Variants in LAMC1 observed in about 807,000 individuals in gnomAD.
LAMC1 encodes laminin subunit gamma-1.
In LAMC1, 38 loss-of-function variants were observed where a neutral mutation model predicts 173.6. That is an observed-to-expected ratio of 0.22 (90% confidence interval 0.17 to 0.29). The LOEUF is 0.29. Ranked by LOEUF, LAMC1 falls within the 10% of genes least tolerant of loss-of-function variation. The pLI, the probability that LAMC1 is intolerant of heterozygous loss-of-function variation, is 1.00. For missense variants in LAMC1, 1,824 were observed against 2,051.8 expected, an observed-to-expected ratio of 0.89 and a Z score of 2.14; for synonymous variants, 746 against 749.1, an observed-to-expected ratio of 1.00 and a Z score of 0.07.
intron 1 of LAMC1, among the ~76,000 whole-genome samples, chr1:183,058,957 A>G (rs777847373): frequency 1.7e-4 from 26 of 152,252 alleles, no homozygotes; most frequent in Non-Finnish European, 3.1e-4. Context: ...TCTGTTTTAT[A>G]ACATGTAAAA....
chr1:183,136,459 G>C lies in LAMC1; in HGVS notation c.4188G>C (p.Gln1396His), dbSNP rs772747092. 4.3e-6 allele frequency: 7 copies of C among 1,614,080 alleles called. No homozygotes were observed. Among genetic ancestry groups the C allele is most frequent in the Non-Finnish European group, 5.1e-6 (6 of 1,180,040 alleles). ...EALRKIPAIN[Q>H]TITEANEKTR... is the part of the protein sequence containing the mutation. Reference sequence around the variant, plus strand: ...TAAGGAAGATTCCTGCCATCAACCAGACCATCACTGAAGCCAATGAAAAGA... The same window carrying C: ...TAAGGAAGATTCCTGCCATCAACCACACCATCACTGAAGCCAATGAAAAGA... The change falls in exon 25 of 28, where the codon CAG (glutamine) becomes CAC (histidine). Residue 1396 changes from glutamine (Q) to histidine (H), a missense_variant. Coordinates refer to ENST00000258341, the MANE Select transcript of LAMC1 (RefSeq NM_002293.4).
At chr1:183,034,935 T>C (rs1322197382) in intron 1 of LAMC1, among the ~76,000 whole-genome samples, 2 of 152,178 alleles carry the variant, frequency 1.3e-5, no homozygotes, top group Non-Finnish European at 2.9e-5. Context: ...CTAGTGACTT[T>C]TCTGAGGTTG....
chr1:183,066,426 A>G (rs974293539), intron 1 of LAMC1, among the ~76,000 whole-genome samples: 1 of 152,198 alleles, frequency 6.6e-6, no homozygotes, highest in African/African-American at 2.4e-5. Flanking sequence ...AACCAGAAAT[A>G]CCATTTGACT....
rs184945241 is a variant in LAMC1 at position 183,034,221 on chromosome 1, G to A, written c.418+10087G>A. 1.5e-4 allele frequency among the ~76,000 whole-genome samples: 23 copies of A among 152,106 alleles called. 1 individual carries two copies. Among genetic ancestry groups the A allele is most frequent in the South Asian group, 1.0e-3 (5 of 4,830 alleles). On this transcript the variant is annotated intron_variant, in intron 1 of 27. Transcript: ENST00000258341. The stretch of plus-strand genomic sequence containing the variant: ...TTATATCCTAAAGATAGATTTATTC[G>A]TAATGTATTTGAGATCAGACAAAAA...
chr1:183,036,707 C>G (rs1377157638), intron 1 of LAMC1, among the ~76,000 whole-genome samples: 2 of 151,906 alleles, frequency 1.3e-5, no homozygotes, highest in African/African-American at 2.4e-5. Context: ...ATTCTTTTAA[C>G]TGGATCCTCT....
intron 6 of LAMC1, 149 bp downstream of exon 6, chr1:183,115,786 A>G (rs1275024399): frequency 1.5e-6 from 1 of 648,558 alleles, no homozygotes; most frequent in African/African-American, 1.8e-5. Context: ...ATGGTGAGCC[A>G]CAAGGGGTTT....
Position 183,135,063 on chromosome 1 carries a change from C to T in LAMC1, c.4021C>T (p.Arg1341Ter). 1.9e-6 allele frequency: 3 copies of T among 1,614,028 alleles called. No individual in the cohort carries two copies. The highest frequency in any genetic ancestry group is 2.5e-6 in the Non-Finnish European group (3 of 1,179,918). The change falls in exon 24 of 28, where the codon CGA (arginine) becomes TGA (stop). Residue 1341 changes from arginine (R) to a stop codon, truncating the protein, a stop_gained. Transcript: ENST00000258341. LOFTEE classifies it high-confidence loss of function. ...GCAGACCGCAGACCAACTCCTAGCC[C>T]GAGCTGATGCTGCCAAGGCCCTCGC... ...EQQTADQLLA[R>*]ADAAKALAEE...
At chr1:183,117,262 A>G (rs1335664206) in intron 8 of LAMC1, 58 bp from the exon 9 acceptor site, 1 of 1,547,352 alleles carries the variant, frequency 6.5e-7, no homozygotes, top group Non-Finnish European at 8.8e-7. Flanking sequence ...TACATAGAGG[A>G]CCTGAATTCA....
At chr1:183,026,384 G>T (rs889255266) in intron 1 of LAMC1, among the ~76,000 whole-genome samples, 1 of 151,954 alleles carries the variant, frequency 6.6e-6, no homozygotes, top group African/African-American at 2.4e-5. Context: ...GTGTAGTGAG[G>T]TTGAGGTTTC....
At position 183,101,185 on chromosome 1, in the gene LAMC1, C is replaced by G. The variant is rs116197465; in HGVS notation, c.419-2143C>G. Reference sequence around the variant, plus strand: ...TAGAGAAAGAAGGATAATCTATAATCTACAGACTAGTGAGCAAGCCTTTGA... The same window carrying G: ...TAGAGAAAGAAGGATAATCTATAATGTACAGACTAGTGAGCAAGCCTTTGA... On this transcript the variant is annotated intron_variant, in intron 1 of 27. Coordinates refer to ENST00000258341, the MANE Select transcript of LAMC1 (RefSeq NM_002293.4). Among the ~76,000 whole-genome samples the G allele has an allele frequency of 5.9e-3, 892 of 152,102 alleles. 1 individual carries two copies. The highest frequency in any genetic ancestry group is 9.6e-3 in the Non-Finnish European group (650 of 67,984).
At chr1:183,083,129 A>T (rs1481136250) in intron 1 of LAMC1, among the ~76,000 whole-genome samples, 3 of 152,232 alleles carry the variant, frequency 2.0e-5, no homozygotes, top group Non-Finnish European at 4.4e-5. Context: ...GGTAAAGAAG[A>T]GAAGTGTTGG....
chr1:183,032,177 C>A (rs4651138), intron 1 of LAMC1, among the ~76,000 whole-genome samples: 76,543 of 152,012 alleles, frequency 0.5, 19,904 homozygotes, highest in South Asian at 0.64. Context: ...GCCCGAAATA[C>A]GTGGGCCCAG....
intron 24 of LAMC1, among the ~76,000 whole-genome samples, chr1:183,136,097 G>C (rs1656931430): frequency 1.3e-5 from 2 of 152,136 alleles, no homozygotes; most frequent in Admixed American, 1.3e-4. Flanking sequence ...ATAAATTGCA[G>C]CTTTTAATAA....
At chr1:183,055,883 C>T (rs1654579051) in intron 1 of LAMC1, among the ~76,000 whole-genome samples, 1 of 152,016 alleles carries the variant, frequency 6.6e-6, no homozygotes. Context: ...AGCAAGCATA[C>T]AATTGATGAT....
intron 14 of LAMC1, chr1:183,125,133 T>C: frequency 3.4e-6 from 2 of 592,838 alleles, no homozygotes; most frequent in South Asian, 4.3e-5. Context: ...ATCCAACATA[T>C]GATTTCAATA....
intron 4 of LAMC1, among the ~76,000 whole-genome samples, chr1:183,111,644 T>A (rs944038386): frequency 1.3e-5 from 2 of 152,230 alleles, no homozygotes; most frequent in African/African-American, 2.4e-5. Context: ...TTAATCATGA[T>A]TTTAAAGCAG....
chr1:183,081,059 T>G (rs1370718165), intron 1 of LAMC1, among the ~76,000 whole-genome samples: 43 of 151,986 alleles, frequency 2.8e-4, no homozygotes, highest in Admixed American at 2.8e-3. Context: ...CGGCTAATTT[T>G]TATATTCTTA....
Position 183,142,809 on chromosome 1 carries a change from G to T in LAMC1, c.*19G>T. 1 of 1,587,564 alleles carries T rather than the reference G, an allele frequency of 6.3e-7. No individual in the cohort carries two copies. Among genetic ancestry groups the T allele is most frequent in the Middle Eastern group, 1.7e-4 (1 of 5,900 alleles). ...GCCCTAGTGTCTTTAGGGCTGGAAG[G>T]CAGCATCCCTCTGACAGGGGGGCAG... On this transcript the variant is annotated 3_prime_UTR_variant, in exon 28 of 28. Transcript: ENST00000258341.
Position 183,139,643 on chromosome 1 carries a change from C to T in LAMC1, c.4474-761C>T, listed in dbSNP as rs72729476. Among the ~76,000 whole-genome samples, 1,420 of 152,228 alleles carry T rather than the reference C, an allele frequency of 9.3e-3. 18 individuals are homozygous for T. Among genetic ancestry groups the T allele is most frequent in the Middle Eastern group, 0.014 (4 of 294 alleles). On this transcript the variant is annotated intron_variant, in intron 26 of 27. Coordinates refer to ENST00000258341, the MANE Select transcript of LAMC1 (RefSeq NM_002293.4). The stretch of plus-strand genomic sequence containing the variant: ...TGTCCTTACTCAAAACTAGGAAAAA[C>T]AATTATGTGGTAAGAGGCTCAGAGC...
Sources: gnomAD v4.1 joint callset for allele counts (sites outside exome capture counted in the v4.1 genomes callset) on GRCh38, gnomAD v4.1.1 for gene constraint, MANE v1.5 for transcripts, NCBI Gene and HGNC (gene_info 2026-07-23, HGNC 2026-07-21) for gene names.